The following PTPRG variants were observed in gnomAD, a reference collection of about 807,000 sequenced individuals.
PTPRG encodes the protein receptor-type tyrosine-protein phosphatase gamma.
In PTPRG, 102 loss-of-function variants were observed where a neutral mutation model predicts 165.3. The ratio of observed to expected loss-of-function variants is 0.62; its 90% confidence interval spans 0.53 to 0.73. The LOEUF is 0.73. Among genes scored for constraint, PTPRG ranks in the 30% least tolerant of loss-of-function variants. The pLI, the probability that PTPRG is intolerant of heterozygous loss-of-function variation, is 0.00. For synonymous variants in PTPRG, 675 were observed against 669.5 expected (o/e 1.01, Z -0.13); for missense variants, 1,866 against 1,861.4 (o/e 1.00, Z -0.05).
chr3:62,163,992 A>G (rs917402458), intron 7 of PTPRG, among the ~76,000 whole-genome samples: 3 of 152,238 alleles, frequency 2.0e-5, no homozygotes, highest in African/African-American at 7.2e-5. Context: ...GGAGGCTGTT[A>G]AAAAGTATTG....
intron 2 of PTPRG, among the ~76,000 whole-genome samples, chr3:61,922,502 G>T (rs973849402): frequency 2.0e-5 from 3 of 152,168 alleles, no homozygotes; most frequent in Admixed American, 2.0e-4. Flanking sequence ...GTGTACGCTT[G>T]TGCGCGTTTG....
At chr3:62,134,483 C>T (rs1427457848) in intron 6 of PTPRG, among the ~76,000 whole-genome samples, 2 of 152,158 alleles carry the variant, frequency 1.3e-5, no homozygotes, top group Admixed American at 6.5e-5. Context: ...TTTCCTCTGT[C>T]GGGAGAGTTC....
Position 62,224,824 on chromosome 3 carries a change from T to C in PTPRG, c.2288+5841T>C, listed in dbSNP as rs1700724945. On this transcript the variant is annotated intron_variant, in intron 13 of 29. Transcript: ENST00000474889. The surrounding 1 kb of genome is among the most constrained non-coding windows in gnomAD (Gnocchi z 4.9). ...CTAAAATGTTTTTAGCTGAGCTGTT[T>C]CAGGTAGGACACTATAGTTCTCCCT... Among the ~76,000 whole-genome samples the C allele has an allele frequency of 6.6e-6, 1 of 152,174 alleles. No individual in the cohort carries two copies.
chr3:62,089,965 A>T (rs138175707), intron 5 of PTPRG, among the ~76,000 whole-genome samples: 1 of 152,312 alleles, frequency 6.6e-6, no homozygotes, highest in East Asian at 1.9e-4. Context: ...TGCTACCTCC[A>T]TGTATCAACT....
chr3:61,748,860 G>A lies in PTPRG; in HGVS notation c.86-18G>A. 1 of 1,607,488 alleles carries A rather than the reference G, an allele frequency of 6.2e-7. No individual in the cohort carries two copies. Among genetic ancestry groups the A allele is most frequent in the Non-Finnish European group, 8.5e-7 (1 of 1,175,632 alleles). On this transcript the variant is annotated intron_variant, in intron 1 of 29. Coordinates refer to ENST00000474889, the MANE Select transcript of PTPRG (RefSeq NM_002841.4). Reference sequence around the variant, plus strand: ...GGGGTGCTGCCTTTGTCTCATTGTGGGTTTTCCTCTCTTCCAGCGTTGACA... The same window carrying A: ...GGGGTGCTGCCTTTGTCTCATTGTGAGTTTTCCTCTCTTCCAGCGTTGACA...
At chr3:62,063,554 G>T (rs182789980) in intron 4 of PTPRG, among the ~76,000 whole-genome samples, 3 of 152,326 alleles carry the variant, frequency 2.0e-5, no homozygotes, top group Admixed American at 2.0e-4. Context: ...TAATTTTATG[G>T]CTAGGTAGGT....
intron 26 of PTPRG, among the ~76,000 whole-genome samples, chr3:62,278,553 A>G (rs116356398): frequency 0.013 from 1,909 of 152,192 alleles, 22 homozygotes; most frequent in Non-Finnish European, 0.016. Flanking sequence ...AAAAACAAAA[A>G]ACAGTGAGGA....
At chr3:62,287,404 A>AT (rs1189225080) in intron 28 of PTPRG, among the ~76,000 whole-genome samples, 2 of 152,192 alleles carry the variant, frequency 1.3e-5, no homozygotes, top group Non-Finnish European at 2.9e-5. Context: ...AGGGTATTAA[A>AT]ATATATCCTC....
At chr3:62,138,599 A>T (rs1163157037) in intron 6 of PTPRG, among the ~76,000 whole-genome samples, 1 of 151,464 alleles carries the variant, frequency 6.6e-6, no homozygotes, top group Non-Finnish European at 1.5e-5. Flanking sequence ...CGCATCTGTA[A>T]TCCCAGCTAC....
At chr3:61,917,928 G>A (rs2038982407) in intron 2 of PTPRG, among the ~76,000 whole-genome samples, 5 of 152,046 alleles carry the variant, frequency 3.3e-5, no homozygotes, top group Admixed American at 3.3e-4. Context: ...GCGAAACTCT[G>A]TCTCAAAAAA....
At chr3:61,874,720 G>A (rs184114751) in intron 2 of PTPRG, among the ~76,000 whole-genome samples, 1 of 152,052 alleles carries the variant, frequency 6.6e-6, no homozygotes, top group African/African-American at 2.4e-5. Context: ...GTCCAGGGAC[G>A]CCATAAACAT....
At chr3:62,045,291 G>C (rs935095052) in intron 4 of PTPRG, among the ~76,000 whole-genome samples, 1 of 152,058 alleles carries the variant, frequency 6.6e-6, no homozygotes, top group Non-Finnish European at 1.5e-5. Flanking sequence ...ACCAATTAAG[G>C]CTATTTGGTT....
chr3:62,142,934 C>A (rs76506145), intron 6 of PTPRG, among the ~76,000 whole-genome samples: 2 of 152,164 alleles, frequency 1.3e-5, no homozygotes, highest in South Asian at 2.1e-4. Flanking sequence ...TGGCCCGCAT[C>A]ATATAGAAAG....
chr3:61,923,142 G>C (rs1314194857), intron 2 of PTPRG, among the ~76,000 whole-genome samples: 1 of 152,162 alleles, frequency 6.6e-6, no homozygotes, highest in African/African-American at 2.4e-5. Flanking sequence ...AATGTATTAA[G>C]TTAATGCTGT....
chr3:61,563,344 C>T (rs1158328220), intron 1 of PTPRG, among the ~76,000 whole-genome samples: 1 of 152,140 alleles, frequency 6.6e-6, no homozygotes, highest in Non-Finnish European at 1.5e-5. Context: ...AATCACCGCA[C>T]GTAACGGTGT....
At chr3:62,073,925 C>A (rs1701291653) in intron 4 of PTPRG, among the ~76,000 whole-genome samples, 1 of 152,110 alleles carries the variant, frequency 6.6e-6, no homozygotes, top group African/African-American at 2.4e-5. Flanking sequence ...AAAGTTTGAT[C>A]CTAGATTGAG....
intron 5 of PTPRG, among the ~76,000 whole-genome samples, chr3:62,111,738 C>T (rs1254390193): frequency 6.6e-6 from 1 of 152,188 alleles, no homozygotes; most frequent in Non-Finnish European, 1.5e-5. Context: ...CGTGAGCCAC[C>T]ACCGGGCCCA....
chr3:62,215,821 G>A (rs1051537661), intron 12 of PTPRG, among the ~76,000 whole-genome samples: 1 of 151,922 alleles, frequency 6.6e-6, no homozygotes, highest in African/African-American at 2.4e-5. Flanking sequence ...GTGGCTTGAG[G>A]GACGATATAA....
chr3:61,781,108 G>A (rs1575658651), intron 2 of PTPRG, among the ~76,000 whole-genome samples: 1 of 152,230 alleles, frequency 6.6e-6, no homozygotes, highest in South Asian at 2.1e-4. Context: ...ATTAAAAGGA[G>A]TTGGATAGGA....
Sources: gnomAD v4.1 joint callset for allele counts (sites outside exome capture counted in the v4.1 genomes callset) on GRCh38, gnomAD v4.1.1 for gene constraint, Gnocchi (gnomAD v3.1) non-coding constraint, MANE v1.5 for transcripts, NCBI Gene and HGNC (gene_info 2026-07-23, HGNC 2026-07-21) for gene names.